The following RNF31 variants were observed in gnomAD, a reference collection of about 807,000 sequenced individuals.
RNF31 encodes E3 ubiquitin-protein ligase RNF31.
RNF31 carries 38 observed loss-of-function variants against 133.6 expected under a neutral mutation model. The ratio of observed to expected loss-of-function variants is 0.28; its 90% CI spans 0.22 to 0.37. The LOEUF (loss-of-function observed/expected upper bound fraction) is 0.37. Among genes scored for constraint, RNF31 ranks in the 10% least tolerant of loss-of-function variants. RNF31 has a pLI of 1.00. For missense variants in RNF31, 1,118 were observed against 1,394.1 expected (o/e 0.80, Z 3.15); for synonymous variants, 582 against 552.3 (o/e 1.05, Z -0.75).
At chr14:24,147,487 C>T (rs1313594068), upstream of RNF31, 1 of 416,452 alleles carries the variant, frequency 2.4e-6, no homozygotes, top group East Asian at 3.8e-5. Context: ...GTCGCAGTCC[C>T]ACCCTCTCTC....
In RNF31 at chr14:24,158,187, G is replaced by A. The variant is rs1366360154; in HGVS notation, c.2887G>A (p.Ala963Thr). ...TACAGAGCCTCCAGCTGGGGCCCGG[G>A]CAGTCCCTGGAGGTGAGTGTTAGGA... is the stretch of plus-strand genomic sequence containing the variant. ...FNTEPPAGARAVPGGGCRVIE... is the reference protein window; with the variant it reads ...FNTEPPAGARTVPGGGCRVIE... Residue 963 changes from alanine to threonine, a missense_variant, in exon 18 of 21, where the codon GCA becomes ACA. Ala to Thr is a moderately conservative substitution (Grantham distance 58, BLOSUM62 0). Coordinates refer to ENST00000324103, the MANE Select transcript of RNF31 (RefSeq NM_017999.5). 41 of 1,614,194 alleles carry A rather than the reference G, an allele frequency of 2.5e-5. No homozygotes were observed. Among genetic ancestry groups the A allele is most frequent in the Non-Finnish European group, 3.4e-5 (40 of 1,180,016 alleles).
chr14:24,160,648 T>A lies in RNF31; in HGVS notation c.*75T>A. The A allele has an allele frequency of 1.7e-6, 2 of 1,148,464 alleles. No homozygotes were observed. The allele number at this position is 1,148,464 out of a possible 1,614,324, so 71.1% of individuals were successfully genotyped here. On this transcript the variant is annotated 3_prime_UTR_variant, in exon 21 of 21. Transcript: ENST00000324103. This position sits in a 1 kb window ranked among gnomAD's most constrained non-coding sequence, Gnocchi z 4.0. The stretch of plus-strand genomic sequence containing the variant: ...CAGCTCCAGCACCAATAAAGAGGCA[T>A]CTTACCACCCAGGCTTCTTGGTGGT...
At chr14:24,147,282 G>C (rs2038180358), upstream of RNF31, 1 of 178,778 alleles carries the variant, frequency 5.6e-6, no homozygotes, top group African/African-American at 2.4e-5. Flanking sequence ...TATCCGGAAG[G>C]GGTGGAACCA....
rs146417073 is a variant in RNF31, at chr14:24,153,225, C to T, written c.2130+1233C>T. On this transcript the variant is annotated intron_variant, in intron 11 of 20. Coordinates refer to ENST00000324103, the MANE Select transcript of RNF31 (RefSeq NM_017999.5). Reference sequence around the variant, plus strand: ...TTTGGGAGGCTGAGGTGGGAGAATACCTTGAAGCCAGGAGTTAGAGACCAG... The same window carrying T: ...TTTGGGAGGCTGAGGTGGGAGAATATCTTGAAGCCAGGAGTTAGAGACCAG... Among the ~76,000 whole-genome samples, 1,188 of 151,388 alleles carry T rather than the reference C, an allele frequency of 7.8e-3. 8 individuals carry two copies. Among genetic ancestry groups the T allele is most frequent in the Middle Eastern group, 0.048 (14 of 292 alleles).
chr14:24,158,634 G>T lies in RNF31; in HGVS notation c.2899+435G>T, dbSNP rs541629062. ...AGTCCATACCACCCTGAATGTGACT[G>T]ATCTTTTCTGATCTTGGAGGCTAAG... On this transcript the variant is annotated intron_variant, in intron 18 of 20. Coordinates refer to ENST00000324103, the MANE Select transcript of RNF31 (RefSeq NM_017999.5). The T allele has an allele frequency of 4.3e-5, 7 of 163,100 alleles. No homozygotes were observed. The South Asian group carries it at 1.1e-3, about 26-fold the overall frequency. 10.1% of individuals were successfully genotyped at this position (163,100 alleles called of 1,614,324 possible).
chr14:24,156,147 T>G (rs2038337987), intron 14 of RNF31, among the ~76,000 whole-genome samples: 1 of 152,044 alleles, frequency 6.6e-6, no homozygotes, highest in South Asian at 2.1e-4. Flanking sequence ...AAAAGTGTTG[T>G]ATGGCTGGAG....
chr14:24,158,917 C>T (rs2038389598), intron 18 of RNF31, among the ~76,000 whole-genome samples: 2 of 151,524 alleles, frequency 1.3e-5, no homozygotes, highest in South Asian at 2.1e-4. Flanking sequence ...CCTGTAGTCC[C>T]AGCTACTCGG....
rs774925755 is a variant in RNF31 at position 24,151,293 on chromosome 14, T to C, written c.1651T>C (p.Cys551Arg). The C allele has an allele frequency of 6.2e-6, 10 of 1,614,092 alleles. No homozygotes were observed. Among genetic ancestry groups the C allele is most frequent in the African/African-American group, 1.3e-5 (1 of 74,928 alleles). Residue 551 changes from cysteine (C) to arginine (R), a missense_variant, in exon 9 of 21, where the codon TGT becomes CGT. Cys to Arg is a radical substitution (Grantham distance 180). Transcript: ENST00000324103. This position sits in a 1 kb window ranked among gnomAD's most constrained non-coding sequence, Gnocchi z 5.3. ...GGACCCTGGGCTGGGTGCCTTTTCC[T>C]GTCAGGAGGCCCGGAGAGCCTGGCT... ...QQDPGLGAFS[C>R]QEARRAWLDR...
At chr14:24,157,493 C>G (rs118041902) in intron 15 of RNF31, 27 bp from the exon 16 acceptor site, 13 of 1,610,054 alleles carry the variant, frequency 8.1e-6, no homozygotes, top group Non-Finnish European at 1.1e-5. Flanking sequence ...AGCGGCAGCT[C>G]CAGCCCTGAC....
At chr14:24,158,524 T>G in intron 18 of RNF31, 1 of 385,334 alleles carries the variant, frequency 2.6e-6, no homozygotes, top group East Asian at 4.9e-5. Flanking sequence ...GGGCACTGTT[T>G]TAGGTTCCAT....
chr14:24,149,969 AGTT>A, intron 6 of RNF31, 89 bp from the exon 7 acceptor site: 1 of 1,429,188 alleles, frequency 7.0e-7, no homozygotes, highest in Non-Finnish European at 9.4e-7. Flanking sequence ...CAGTGACATG[AGTT>A]GTTACCCAGG....
chr14:24,152,610 G>T (rs2038282991), intron 11 of RNF31, among the ~76,000 whole-genome samples: 3 of 151,964 alleles, frequency 2.0e-5, no homozygotes, highest in Admixed American at 2.0e-4. Context: ...GTAGAGACAG[G>T]GTTTCGCCAT....
At position 24,151,908 on chromosome 14, in the gene RNF31, G is replaced by T. The variant is rs1201110138; in HGVS notation, c.2046G>T (p.Val682=). 1 of 1,614,112 alleles carries T rather than the reference G, an allele frequency of 6.2e-7. No individual in the cohort carries two copies. The highest frequency in any genetic ancestry group is 1.7e-5 in the Admixed American group (1 of 60,016). The change falls in exon 11 of 21, where the codon GTG becomes GTT. Residue 682 remains valine (V), a synonymous_variant. Transcript: ENST00000324103. This position sits in a 1 kb window ranked among gnomAD's most constrained non-coding sequence, Gnocchi z 5.3. ...NYELGDVVEA[V]RHSQDRAFLR... ...AGTTGGGGGATGTGGTAGAAGCTGT[G>T]AGGCACAGCCAGGACCGGGCCTTCC...
chr14:24,160,088 G>C lies in RNF31; in HGVS notation c.2996+128G>C. 7.6e-7 allele frequency: 1 copy of C among 1,314,574 alleles called. No homozygotes were observed. The highest frequency in any genetic ancestry group is 1.1e-6 in the Non-Finnish European group (1 of 944,158). 81.4% of individuals were successfully genotyped at this position (1,314,574 alleles called of 1,614,324 possible). On this transcript the variant is annotated intron_variant, in intron 19 of 20. Coordinates refer to ENST00000324103, the MANE Select transcript of RNF31 (RefSeq NM_017999.5). This position sits in a 1 kb window ranked among gnomAD's most constrained non-coding sequence, Gnocchi z 4.0. ...GTGGGTGGGAGGGAGGAGGCTTTCT[G>C]GGCAAGGGCATGGGTAGATAGTAGC...
rs1481406168 is a variant in RNF31, at chr14:24,157,501, G to C, written c.2609-19G>C. The C allele has an allele frequency of 2.5e-6, 4 of 1,612,000 alleles. No homozygotes were observed. The highest frequency in any genetic ancestry group is 3.4e-6 in the Non-Finnish European group (4 of 1,178,030). Reference sequence around the variant, plus strand: ...GAGTTGCAGCGGCAGCTCCAGCCCTGACCTCTTGTCCTTTGCAGACTGCCC... The same window carrying C: ...GAGTTGCAGCGGCAGCTCCAGCCCTCACCTCTTGTCCTTTGCAGACTGCCC... On this transcript the variant is annotated intron_variant, in intron 15 of 20. Transcript: ENST00000324103.
At chr14:24,152,807 C>T (rs568273089) in intron 11 of RNF31, among the ~76,000 whole-genome samples, 14 of 152,298 alleles carry the variant, frequency 9.2e-5, no homozygotes, top group African/African-American at 3.4e-4. Context: ...CCAGGCTGGG[C>T]GCGGTGGCTC....
chr14:24,149,244 T>A (rs1165636934), intron 5 of RNF31, 162 bp from the exon 6 acceptor site: 1 of 737,252 alleles, frequency 1.4e-6, no homozygotes, highest in Non-Finnish European at 2.2e-6. Flanking sequence ...ATTACCTGCA[T>A]GAGCCACCAC....
rs1594376739 is a variant in RNF31 at position 24,151,198 on chromosome 14, T to C, written c.1556T>C (p.Val519Ala). The change falls in exon 9 of 21, where the codon GTG becomes GCG. Residue 519 changes from valine to alanine, a missense_variant. Physicochemically the swap from Val to Ala is moderately conservative, Grantham distance 64. Coordinates refer to ENST00000324103, the MANE Select transcript of RNF31 (RefSeq NM_017999.5). This position sits in a 1 kb window ranked among gnomAD's most constrained non-coding sequence, Gnocchi z 5.3. ...GCTCTGCAGTACTCGGGCACTGAGGTGCCTCTGCAGTGGTTGCGCTCAGAA... is the reference window on the plus strand; with the variant it reads ...GCTCTGCAGTACTCGGGCACTGAGGCGCCTCTGCAGTGGTTGCGCTCAGAA... ...FSALQYSGTE[V>A]PLQWLRSELP... The C allele has an allele frequency of 2.5e-6, 4 of 1,614,008 alleles. No homozygotes were observed. The highest frequency in any genetic ancestry group is 1.3e-5 in the African/African-American group (1 of 74,912).
intron 1 of RNF31, 25 bp from the exon 2 acceptor site, chr14:24,147,951 A>G: frequency 6.2e-7 from 1 of 1,613,772 alleles, no homozygotes; most frequent in Non-Finnish European, 8.5e-7. Flanking sequence ...CCACGCTCAC[A>G]CCTCTCTGCT....
Sources: gnomAD v4.1 joint callset for allele counts (sites outside exome capture counted in the v4.1 genomes callset) on GRCh38, gnomAD v4.1.1 for gene constraint, Gnocchi (gnomAD v3.1) non-coding constraint, MANE v1.5 for transcripts, NCBI Gene and HGNC (gene_info 2026-07-23, HGNC 2026-07-21) for gene names.